The following DSCAM variants were observed in gnomAD, a reference collection of about 807,000 sequenced individuals.
DSCAM encodes the protein DS cell adhesion molecule.
DSCAM carries 47 observed loss-of-function variants against 217.7 expected under a neutral mutation model. The ratio of observed to expected loss-of-function variants is 0.22; its 90% confidence interval spans 0.17 to 0.28. DSCAM has a LOEUF of 0.28. Ranked by LOEUF, DSCAM falls within the 10% of genes least tolerant of loss-of-function variation. The pLI, the probability that DSCAM is intolerant of heterozygous loss-of-function variation, is 1.00. For missense variants in DSCAM, 2,080 were observed against 2,618.3 expected (o/e 0.79, Z 4.49); for synonymous variants, 1,056 against 1,015.3 (o/e 1.04, Z -0.76).
rs1170721848 is a variant in DSCAM, at chr21:40,766,686, A to AC, written c.44-57916_44-57915insG. The stretch of plus-strand genomic sequence containing the variant: ...AACAATTCCAAAAAAAAAAAAAAAA[A>AC]AACAACTTTTTTTTTTTTTTTGAGG... On this transcript the variant is annotated intron_variant, in intron 1 of 32. Transcript: ENST00000400454. 7.2e-3 allele frequency among the ~76,000 whole-genome samples: 872 copies of AC among 121,728 alleles called. 52 individuals are homozygous for AC. In the Admixed American group the frequency reaches 0.076, roughly 11 times the overall value. 79.9% of individuals were successfully genotyped at this position (121,728 alleles called of 152,430 possible).
chr21:40,793,837 A>G (rs1033507777), intron 1 of DSCAM, among the ~76,000 whole-genome samples: 2 of 152,186 alleles, frequency 1.3e-5, no homozygotes, highest in African/African-American at 4.8e-5. Flanking sequence ...GAGAGAATGA[A>G]GCATTTTGTC....
At chr21:40,818,077 T>G (rs1311626620) in intron 1 of DSCAM, among the ~76,000 whole-genome samples, 13 of 112,522 alleles carry the variant, frequency 1.2e-4, no homozygotes, top group African/African-American at 3.9e-4. Context: ...CAGTCCGGCC[T>G]GGGCGACAGA....
At chr21:40,524,606 A>G (rs909098932) in intron 3 of DSCAM, among the ~76,000 whole-genome samples, 35 of 152,328 alleles carry the variant, frequency 2.3e-4, no homozygotes, top group African/African-American at 7.9e-4. Context: ...CAACTAATTC[A>G]TTCTTTTTTT....
At chr21:40,790,914 T>C (rs1463053149) in intron 1 of DSCAM, among the ~76,000 whole-genome samples, 2 of 151,972 alleles carry the variant, frequency 1.3e-5, no homozygotes, top group African/African-American at 4.8e-5. Flanking sequence ...CAGTGGCTCA[T>C]GCCTGTAATC....
intron 21 of DSCAM, among the ~76,000 whole-genome samples, chr21:40,088,503 A>C (rs1488686798): frequency 6.6e-6 from 1 of 152,230 alleles, no homozygotes; most frequent in East Asian, 1.9e-4. Context: ...ACTGTGGGCA[A>C]GAGTAGAGAG....
intron 11 of DSCAM, among the ~76,000 whole-genome samples, chr21:40,200,972 A>G (rs1306285084): frequency 6.6e-6 from 1 of 152,252 alleles, no homozygotes; most frequent in Non-Finnish European, 1.5e-5. Context: ...ATCCTTATAA[A>G]GAAAATGATT....
At chr21:40,317,659 A>T (rs904998842) in intron 8 of DSCAM, among the ~76,000 whole-genome samples, 2 of 151,958 alleles carry the variant, frequency 1.3e-5, no homozygotes, top group African/African-American at 2.4e-5. Flanking sequence ...CCTCCCAAGT[A>T]GCTGGGATTA....
chr21:40,630,551 G>A (rs112575114), intron 3 of DSCAM: 6,525 of 152,178 alleles, frequency 0.043, 442 homozygotes, highest in African/African-American at 0.14. Context: ...CTCCCTCCTC[G>A]GCCTCCCAGT....
intron 3 of DSCAM, among the ~76,000 whole-genome samples, chr21:40,534,479 TC>T (rs1183038008): frequency 2.6e-5 from 4 of 152,158 alleles, no homozygotes; most frequent in Non-Finnish European, 5.9e-5. Context: ...AAGGGAGTCT[TC>T]CTGCACAAAG....
chr21:40,817,413 T>C (rs928805946), intron 1 of DSCAM, among the ~76,000 whole-genome samples: 16 of 152,214 alleles, frequency 1.1e-4, no homozygotes, highest in African/African-American at 2.7e-4. Context: ...TATTAAAGTG[T>C]CTTATTAAAA....
At chr21:40,170,169 C>G (rs1026725751) in intron 15 of DSCAM, among the ~76,000 whole-genome samples, 28 of 152,202 alleles carry the variant, frequency 1.8e-4, no homozygotes, top group Non-Finnish European at 3.8e-4. Flanking sequence ...AGCCTTTTCC[C>G]TGGGGCTTTC....
At chr21:40,083,158 G>C (rs1016661641) in intron 24 of DSCAM, among the ~76,000 whole-genome samples, 1 of 152,226 alleles carries the variant, frequency 6.6e-6, no homozygotes, top group Non-Finnish European at 1.5e-5. Flanking sequence ...GCCGGGCGTG[G>C]TGGCTCACGC....
chr21:40,607,772 G>A (rs1342126024), intron 3 of DSCAM, among the ~76,000 whole-genome samples: 4 of 152,112 alleles, frequency 2.6e-5, no homozygotes, highest in African/African-American at 9.7e-5. Flanking sequence ...GGCCTCCCCA[G>A]CCACGTGGAA....
In DSCAM at chr21:40,339,157, G is replaced by A; in HGVS notation, c.1469C>T (p.Ala490Val). 1 of 1,614,116 alleles carries A rather than the reference G, an allele frequency of 6.2e-7. No individual in the cohort carries two copies. Among genetic ancestry groups the A allele is most frequent in the Non-Finnish European group, 8.5e-7 (1 of 1,180,012 alleles). ...GVYRCTANNS[A>V]GVVLYQARIN... ...TCGAGCCTGGTACAGGACGACTCCC[G>A]CCGAGTTGTTGGCAGTGCAGCGGTA... The change falls in exon 7 of 33, where the codon GCG (alanine) becomes GTG (valine). Residue 490 changes from alanine to valine, a missense_variant. Physicochemically the swap from Ala to Val is moderately conservative, Grantham distance 64. Around this residue, in one of 5 missense-constraint regions of DSCAM, gnomAD observed 568 missense variants for 678.1 expected, o/e 0.84. Coordinates refer to ENST00000400454, the MANE Select transcript of DSCAM (RefSeq NM_001389.5).
At chr21:40,202,982 A>G (rs1177903187) in intron 11 of DSCAM, among the ~76,000 whole-genome samples, 1 of 152,220 alleles carries the variant, frequency 6.6e-6, no homozygotes, top group Non-Finnish European at 1.5e-5. Flanking sequence ...GCTAATATGC[A>G]TTAAGTTCTC....
At chr21:40,310,987 C>T (rs1036032491) in intron 9 of DSCAM, among the ~76,000 whole-genome samples, 2 of 151,856 alleles carry the variant, frequency 1.3e-5, no homozygotes, top group African/African-American at 4.8e-5. Context: ...CCTATGACTT[C>T]TAAGTCTGTG....
intron 30 of DSCAM, among the ~76,000 whole-genome samples, chr21:40,046,116 T>A (rs1368828466): frequency 6.6e-6 from 1 of 152,246 alleles, no homozygotes; most frequent in African/African-American, 2.4e-5. Context: ...CCTAGTGCTG[T>A]GTCTACATGA....
intron 3 of DSCAM, among the ~76,000 whole-genome samples, chr21:40,575,491 C>A (rs986231843): frequency 6.6e-6 from 1 of 152,090 alleles, no homozygotes; most frequent in East Asian, 1.9e-4. Context: ...TACACATATA[C>A]GGCTCTTTTT....
chr21:40,437,082 T>C (rs2075589846), intron 3 of DSCAM, among the ~76,000 whole-genome samples: 1 of 152,184 alleles, frequency 6.6e-6, no homozygotes, highest in Non-Finnish European at 1.5e-5. Flanking sequence ...AGATTACATT[T>C]GGCTGAAAAG....
Sources: gnomAD v4.1 joint callset for allele counts (sites outside exome capture counted in the v4.1 genomes callset) on GRCh38, gnomAD v4.1.1 for gene constraint, gnomAD v4.1.1 regional missense constraint, MANE v1.5 for transcripts, NCBI Gene and HGNC (gene_info 2026-07-23, HGNC 2026-07-21) for gene names.